PPP1R21: variants seen among roughly 807,000 people sequenced by gnomAD.
PPP1R21 encodes the protein KLRAQ motif containing 1.
In PPP1R21, 85 loss-of-function variants were observed where a neutral mutation model predicts 112.8. The observed-to-expected ratio is 0.75, with a 90% confidence interval of 0.63 to 0.90. The LOEUF is 0.90. PPP1R21 is among the 40% of genes least tolerant of loss of function. PPP1R21 has a pLI of 0.00. For missense variants in PPP1R21, 1,199 were observed against 901.5 expected, an observed-to-expected ratio of 1.33 and a Z score of -4.23; for synonymous variants, 381 against 322.3, an observed-to-expected ratio of 1.18 and a Z score of -1.95.
At chr2:48,511,878 GA>G (rs369351338) in intron 21 of PPP1R21, among the ~76,000 whole-genome samples, 6 of 145,388 alleles carry the variant, frequency 4.1e-5, no homozygotes, top group Admixed American at 2.1e-4. Flanking sequence ...CTCTAAAAAA[GA>G]AAAAAAAAAG....
At chr2:48,510,649 G>A (rs1022531995) in intron 20 of PPP1R21, among the ~76,000 whole-genome samples, 15 of 152,200 alleles carry the variant, frequency 9.9e-5, no homozygotes, top group Non-Finnish European at 1.9e-4. Context: ...TAGGCACACA[G>A]GATTAGATTT....
Position 48,454,731 on chromosome 2 carries a change from A to G in PPP1R21, c.263A>G (p.Lys88Arg), listed in dbSNP as rs758149485. 2.7e-5 allele frequency: 43 copies of G among 1,613,778 alleles called. No individual in the cohort carries two copies. Among genetic ancestry groups the G allele is most frequent in the Non-Finnish European group, 3.4e-5 (40 of 1,179,748 alleles). The change falls in exon 3 of 22, where the codon AAG (lysine) becomes AGG (arginine). Residue 88 changes from lysine (K) to arginine (R), a missense_variant. By Grantham distance (26) the Lys-to-Arg change is conservative. Coordinates refer to ENST00000294952, the MANE Select transcript of PPP1R21 (RefSeq NM_001135629.3). ...DELALSEPRG[K>R]KNKKSGESSS... ...CTAGCTCTAAGTGAACCACGAGGCAAGAAAAACAAGGTAGGTTCAAATACA... is the reference window on the plus strand; with the variant it reads ...CTAGCTCTAAGTGAACCACGAGGCAGGAAAAACAAGGTAGGTTCAAATACA...
At chr2:48,468,430 A>G (rs1046636577) in intron 9 of PPP1R21, among the ~76,000 whole-genome samples, 2 of 152,200 alleles carry the variant, frequency 1.3e-5, no homozygotes, top group African/African-American at 4.8e-5. Context: ...TCACTGTGGG[A>G]AAAAGCTTTC....
intron 20 of PPP1R21, among the ~76,000 whole-genome samples, chr2:48,510,699 G>C (rs1572902545): frequency 6.6e-6 from 1 of 152,340 alleles, no homozygotes; most frequent in East Asian, 1.9e-4. Flanking sequence ...GAAGAGAGAT[G>C]AAGGGTGCTT....
intron 7 of PPP1R21, among the ~76,000 whole-genome samples, chr2:48,462,040 C>A (rs1283208210): frequency 6.6e-6 from 1 of 152,192 alleles, no homozygotes; most frequent in Non-Finnish European, 1.5e-5. Context: ...CTTCTAGCTT[C>A]TACATTAATG....
At chr2:48,457,977 A>G in intron 3 of PPP1R21, 149 bp from the exon 4 acceptor site, 1 of 628,996 alleles carries the variant, frequency 1.6e-6, no homozygotes, top group Non-Finnish European at 3.0e-6. Flanking sequence ...GAAAAGTTAA[A>G]TGATGAACTG....
At chr2:48,479,408 T>C (rs1668902970) in intron 12 of PPP1R21, 11 of 449,316 alleles carry the variant, frequency 2.4e-5, no homozygotes, top group Middle Eastern at 3.4e-4. Flanking sequence ...TTTTCTTGAG[T>C]AAATCATGTG....
In PPP1R21 at chr2:48,486,669, C is replaced by T. The variant is rs200165146; in HGVS notation, c.1357C>T (p.His453Tyr). ...KHYSQKAAIE[H>Y]ELPTATQKLI... ...TTATAGTCAAAAAGCTGCAATAGAG[C>T]ATGAACTTCCAACAGCAACACAGAA... Residue 453 changes from histidine (H) to tyrosine (Y), a missense_variant, in exon 14 of 22, where the codon CAT (histidine) becomes TAT (tyrosine). Transcript: ENST00000294952. The T allele has an allele frequency of 1.2e-5, 19 of 1,613,002 alleles. No individual in the cohort carries two copies. The highest frequency in any genetic ancestry group is 1.4e-5 in the Non-Finnish European group (16 of 1,179,044).
chr2:48,511,331 G>T lies in PPP1R21; in HGVS notation c.2185-9G>T. 2 of 1,603,996 alleles carry T rather than the reference G, an allele frequency of 1.2e-6. No individual in the cohort carries two copies. The highest frequency in any genetic ancestry group is 1.8e-5 in the Admixed American group (1 of 56,716). The stretch of plus-strand genomic sequence containing the variant: ...GATGTTGATTTTTGTCTTTTTCTTT[G>T]CTATTTAGGATGAGCTGACAACTAC... On this transcript the variant is annotated splice_polypyrimidine_tract_variant and intron_variant, in intron 20 of 21. Coordinates refer to ENST00000294952, the MANE Select transcript of PPP1R21 (RefSeq NM_001135629.3).
At chr2:48,464,180 G>A (rs11678934) in intron 7 of PPP1R21, among the ~76,000 whole-genome samples, 11,278 of 152,204 alleles carry the variant, frequency 0.074, 597 homozygotes, top group Non-Finnish European at 0.11. Context: ...GTTGGTGGAT[G>A]GGAGATCAAG....
At chr2:48,463,610 A>G (rs1033682823) in intron 7 of PPP1R21, among the ~76,000 whole-genome samples, 1 of 152,098 alleles carries the variant, frequency 6.6e-6, no homozygotes, top group Non-Finnish European at 1.5e-5. Flanking sequence ...TGGGGACAGG[A>G]GTCAGGGCAG....
intron 17 of PPP1R21, among the ~76,000 whole-genome samples, chr2:48,501,291 C>CT (rs1470302146): frequency 1.3e-5 from 2 of 152,210 alleles, no homozygotes; most frequent in Non-Finnish European, 2.9e-5. Flanking sequence ...TTCATTATGT[C>CT]TGATTTCTTC....
At chr2:48,485,775 C>G (rs1669254979) in intron 13 of PPP1R21, among the ~76,000 whole-genome samples, 1 of 150,690 alleles carries the variant, frequency 6.6e-6, no homozygotes, top group African/African-American at 2.4e-5. Context: ...AACAAAATTT[C>G]TTGATTCTAA....
At chr2:48,510,236 A>G (rs2103675356) in intron 20 of PPP1R21, 123 bp downstream of exon 20, 1 of 575,736 alleles carries the variant, frequency 1.7e-6, no homozygotes, top group Non-Finnish European at 2.9e-6. Context: ...TAACCACTGT[A>G]TTTCTGATTC....
chr2:48,472,580 C>G (rs1377605300), intron 11 of PPP1R21, among the ~76,000 whole-genome samples: 2 of 150,964 alleles, frequency 1.3e-5, no homozygotes, highest in Non-Finnish European at 2.9e-5. Context: ...GAGCCAAGGT[C>G]ACATCACTGC....
chr2:48,514,056 C>A (rs897531973), intron 21 of PPP1R21, among the ~76,000 whole-genome samples: 10 of 141,786 alleles, frequency 7.1e-5, no homozygotes, highest in Non-Finnish European at 1.2e-4. Context: ...TTTATTTAAA[C>A]AATGACGAGA....
chr2:48,499,010 T>C (rs1258846374), intron 17 of PPP1R21, among the ~76,000 whole-genome samples: 1 of 151,842 alleles, frequency 6.6e-6, no homozygotes, highest in African/African-American at 2.4e-5. Context: ...GGCAGAAGGG[T>C]CAGGTGAGCT....
At chr2:48,500,288 C>T (rs368118471) in intron 17 of PPP1R21, among the ~76,000 whole-genome samples, 19 of 151,942 alleles carry the variant, frequency 1.3e-4, no homozygotes, top group Non-Finnish European at 2.4e-4. Flanking sequence ...CTGCAACTTA[C>T]GCTCACATGT....
At chr2:48,500,965 A>G (rs943745205) in intron 17 of PPP1R21, among the ~76,000 whole-genome samples, 5 of 152,102 alleles carry the variant, frequency 3.3e-5, no homozygotes, top group African/African-American at 1.2e-4. Flanking sequence ...GTTGACCATG[A>G]ATGTTCATGA....
Sources: allele counts gnomAD v4.1 joint callset (sites outside exome capture counted in the v4.1 genomes callset), GRCh38; gene constraint gnomAD v4.1.1; transcripts MANE v1.5; gene names NCBI Gene and HGNC (gene_info 2026-07-23, HGNC 2026-07-21).